Variants in MACROD2 observed in about 807,000 individuals in gnomAD.
MACROD2 encodes ADP-ribose glycohydrolase MACROD2.
MACROD2 carries 36 observed loss-of-function variants against 70.4 expected under a neutral mutation model. The ratio of observed to expected loss-of-function variants is 0.51; its 90% CI spans 0.39 to 0.68. The LOEUF is 0.68. MACROD2 is among the 30% of genes least tolerant of loss of function. The pLI is 0.00. For missense variants in MACROD2, 496 were observed against 538.4 expected (o/e 0.92, Z 0.78); for synonymous variants, 172 against 178.8 (o/e 0.96, Z 0.30).
intron 5 of MACROD2, among the ~76,000 whole-genome samples, chr20:15,159,842 A>G (rs1352303087): frequency 1.3e-5 from 2 of 152,054 alleles, no homozygotes; most frequent in African/African-American, 2.4e-5. Context: ...GTTGGAGAGC[A>G]GGAGAGGAAG....
intron 8 of MACROD2, among the ~76,000 whole-genome samples, chr20:15,701,976 T>C (rs1314491606): frequency 1.3e-5 from 2 of 152,206 alleles, no homozygotes; most frequent in Non-Finnish European, 2.9e-5. Context: ...GCATCCATGG[T>C]GCTGCAAAAG....
chr20:14,326,033 C>T lies in MACROD2; in HGVS notation c.272-167446C>T. On this transcript the variant is annotated intron_variant, in intron 3 of 17. Transcript: ENST00000684519. This position sits in a 1 kb window ranked among gnomAD's most constrained non-coding sequence, Gnocchi z 5.5. ...TCAGTCTCAATACAAACAGGAGTTT[C>T]ATCAAATAGGTAGAGGTTGCTGGTT... 2 of 1,613,916 alleles carry T rather than the reference C, an allele frequency of 1.2e-6. No individual in the cohort carries two copies.
At chr20:14,195,035 T>G (rs1340942133) in intron 3 of MACROD2, among the ~76,000 whole-genome samples, 1 of 152,192 alleles carries the variant, frequency 6.6e-6, no homozygotes, top group African/African-American at 2.4e-5. Context: ...CCTTTTTTCC[T>G]ACTTTGTGGG....
chr20:15,470,484 G>A (rs573530309), intron 7 of MACROD2, among the ~76,000 whole-genome samples: 3 of 152,252 alleles, frequency 2.0e-5, no homozygotes, highest in African/African-American at 4.8e-5. Flanking sequence ...GGGTTGGAGG[G>A]GGAAACTACT....
At chr20:15,725,211 T>C (rs1378503685) in intron 8 of MACROD2, among the ~76,000 whole-genome samples, 1 of 152,246 alleles carries the variant, frequency 6.6e-6, no homozygotes, top group East Asian at 1.9e-4. Flanking sequence ...ATATTGAGTT[T>C]TTCTGTCAAA....
chr20:14,043,346 T>C (rs551519496), intron 2 of MACROD2, among the ~76,000 whole-genome samples: 31 of 152,350 alleles, frequency 2.0e-4, no homozygotes, highest in Non-Finnish European at 3.7e-4. Context: ...TTTACCAGTT[T>C]ATTATAAAGG....
At chr20:14,551,070 T>C (rs1373833623) in intron 4 of MACROD2, among the ~76,000 whole-genome samples, 1 of 152,112 alleles carries the variant, frequency 6.6e-6, no homozygotes, top group African/African-American at 2.4e-5. Flanking sequence ...AATGTAACTG[T>C]TAATAGGTTT....
At position 14,085,810 on chromosome 20, in the gene MACROD2, T is replaced by A. The variant is rs2054069430; in HGVS notation, c.271+82T>A. 4 of 796,362 alleles carry A rather than the reference T, an allele frequency of 5.0e-6. No individual in the cohort carries two copies. The South Asian group carries it at 8.7e-5, about 17-fold the overall frequency. 49.3% of individuals were successfully genotyped at this position (796,362 alleles called of 1,614,324 possible). ...TTAAATAAATAAGAATGTAAGTATTTTAGAAAAAAATGCTTTTTGACGTAG... is the reference window on the plus strand; with the variant it reads ...TTAAATAAATAAGAATGTAAGTATTATAGAAAAAAATGCTTTTTGACGTAG... On this transcript the variant is annotated intron_variant, in intron 3 of 17. Transcript: ENST00000684519.
intron 5 of MACROD2, among the ~76,000 whole-genome samples, chr20:15,074,927 A>T (rs1459599865): frequency 6.6e-6 from 1 of 152,204 alleles, no homozygotes; most frequent in Non-Finnish European, 1.5e-5. Flanking sequence ...TCCATTAAGA[A>T]TCTTACCAAC....
chr20:14,550,741 T>A (rs369481255), intron 4 of MACROD2, among the ~76,000 whole-genome samples: 12 of 152,238 alleles, frequency 7.9e-5, no homozygotes, highest in African/African-American at 2.9e-4. Flanking sequence ...TTGTTGCACA[T>A]CATTGTAACT....
intron 6 of MACROD2, among the ~76,000 whole-genome samples, chr20:15,276,166 C>T (rs539595571): frequency 1.2e-4 from 18 of 152,044 alleles, no homozygotes; most frequent in South Asian, 2.1e-4. Context: ...TTTGGGAGGC[C>T]GAGGCGGGCG....
chr20:14,061,360 C>T (rs1428559252), intron 2 of MACROD2, among the ~76,000 whole-genome samples: 2 of 151,980 alleles, frequency 1.3e-5, no homozygotes, highest in African/African-American at 4.8e-5. Flanking sequence ...AGTATTTTGG[C>T]AGGATAACAA....
At chr20:15,186,127 A>C (rs2076532957) in intron 5 of MACROD2, among the ~76,000 whole-genome samples, 1 of 151,992 alleles carries the variant, frequency 6.6e-6, no homozygotes, top group Non-Finnish European at 1.5e-5. Flanking sequence ...TTTTTTCTGG[A>C]GCGCCCTGAA....
At position 14,051,179 on chromosome 20, in the gene MACROD2, C is replaced by T. The variant is rs145035627; in HGVS notation, c.164-34442C>T. ...GGATATGAAACACTAATAATGGTTA[C>T]CTTTTGAGGAAAGGATGGAGGAATG... On this transcript the variant is annotated intron_variant, in intron 2 of 17. Coordinates refer to ENST00000684519, the MANE Select transcript of MACROD2 (RefSeq NM_001351661.2). Among the ~76,000 whole-genome samples the T allele has an allele frequency of 2.6e-3, 392 of 151,942 alleles. 2 individuals carry two copies. The highest frequency in any genetic ancestry group is 8.9e-3 in the African/African-American group (370 of 41,422).
At chr20:14,070,616 G>A (rs2053825133) in intron 2 of MACROD2, among the ~76,000 whole-genome samples, 1 of 152,034 alleles carries the variant, frequency 6.6e-6, no homozygotes, top group Non-Finnish European at 1.5e-5. Flanking sequence ...TTGGGGAGCG[G>A]GAATGTTGAT....
intron 5 of MACROD2, among the ~76,000 whole-genome samples, chr20:14,875,535 A>G (rs1030746974): frequency 6.6e-6 from 1 of 152,144 alleles, no homozygotes; most frequent in Non-Finnish European, 1.5e-5. Flanking sequence ...GGTTCGTTAC[A>G]TGGGCATATT....
chr20:15,924,152 T>C (rs1294438344), intron 10 of MACROD2, among the ~76,000 whole-genome samples: 4 of 152,204 alleles, frequency 2.6e-5, no homozygotes, highest in Non-Finnish European at 5.9e-5. Flanking sequence ...TTCCTACTAC[T>C]TGAAATAGCA....
intron 8 of MACROD2, among the ~76,000 whole-genome samples, chr20:15,564,245 C>G (rs997356016): frequency 2.0e-5 from 3 of 152,146 alleles, no homozygotes; most frequent in East Asian, 1.9e-4. Flanking sequence ...CATCTAGGAA[C>G]CTTCGCTCAT....
intron 5 of MACROD2, among the ~76,000 whole-genome samples, chr20:15,076,367 A>G (rs2075658238): frequency 6.6e-6 from 1 of 152,134 alleles, no homozygotes; most frequent in Admixed American, 6.6e-5. Context: ...CATTGTCTGA[A>G]TCTCTGATTA....
Sources: gnomAD v4.1 joint callset for allele counts (sites outside exome capture counted in the v4.1 genomes callset) on GRCh38, gnomAD v4.1.1 for gene constraint, Gnocchi (gnomAD v3.1) non-coding constraint, MANE v1.5 for transcripts, NCBI Gene and HGNC (gene_info 2026-07-23, HGNC 2026-07-21) for gene names.